The following PARPBP variants were observed in gnomAD, a reference collection of about 807,000 sequenced individuals.
PARPBP encodes the protein PARP1 binding protein.
A neutral mutation model predicts 50.0 loss-of-function variants in PARPBP; 52 were observed. That is an observed-to-expected ratio of 1.04 (90% confidence interval 0.83 to 1.31). The LOEUF (loss-of-function observed/expected upper bound fraction) is 1.31. Ranked by LOEUF, PARPBP falls within the 50% of genes most tolerant of loss-of-function variation. The pLI is 0.00. For missense variants in PARPBP, 697 were observed against 672.0 expected, an observed-to-expected ratio of 1.04 and a Z score of -0.41; for synonymous variants, 244 against 232.1, an observed-to-expected ratio of 1.05 and a Z score of -0.47.
At chr12:102,177,463 A>G (rs1228625500) in intron 7 of PARPBP, among the ~76,000 whole-genome samples, 1 of 152,144 alleles carries the variant, frequency 6.6e-6, no homozygotes, top group African/African-American at 2.4e-5. Context: ...ATGCCTTCAG[A>G]GTTTGTGCTT....
At chr12:102,171,928 A>G (rs1202101812) in intron 6 of PARPBP, among the ~76,000 whole-genome samples, 3 of 152,178 alleles carry the variant, frequency 2.0e-5, no homozygotes, top group Non-Finnish European at 4.4e-5. Context: ...CTTTAATTAC[A>G]TTTAATTTTT....
intron 2 of PARPBP, among the ~76,000 whole-genome samples, chr12:102,144,995 G>C (rs1053392128): frequency 9.2e-5 from 14 of 152,062 alleles, no homozygotes; most frequent in Admixed American, 3.3e-4. Context: ...ACAGGCCCCT[G>C]CACTAAGGAC....
chr12:102,194,373 A>G (rs959053142), intron 9 of PARPBP, among the ~76,000 whole-genome samples: 1 of 151,918 alleles, frequency 6.6e-6, no homozygotes, highest in Non-Finnish European at 1.5e-5. Flanking sequence ...ATGTCAGAAA[A>G]TGATTTCAGG....
chr12:102,146,241 A>G (rs1453445236), intron 2 of PARPBP, among the ~76,000 whole-genome samples: 1 of 152,186 alleles, frequency 6.6e-6, no homozygotes, highest in East Asian at 1.9e-4. Flanking sequence ...GGAACCAAAA[A>G]AGAACCCGCA....
At chr12:102,131,356 C>T (rs117465339) in intron 2 of PARPBP, among the ~76,000 whole-genome samples, 8,998 of 152,146 alleles carry the variant, frequency 0.059, 395 homozygotes, top group Non-Finnish European at 0.086. Flanking sequence ...ACTGGCAAGG[C>T]TGTGGAGAAG....
chr12:102,152,849 A>G (rs550566890), intron 3 of PARPBP, among the ~76,000 whole-genome samples: 55 of 149,710 alleles, frequency 3.7e-4, no homozygotes, highest in African/African-American at 1.2e-3. Context: ...ATTAAGCACA[A>G]TAAATATTTA....
At chr12:102,153,522 C>T (rs1353080802) in intron 3 of PARPBP, among the ~76,000 whole-genome samples, 1 of 152,114 alleles carries the variant, frequency 6.6e-6, no homozygotes, top group African/African-American at 2.4e-5. Context: ...TTGCATCTTT[C>T]GCAGAGACAG....
rs751609649 is a variant in PARPBP at position 102,148,455 on chromosome 12, G to A, written c.379G>A (p.Val127Ile). 8.1e-7 allele frequency: 1 copy of A among 1,228,216 alleles called. No homozygotes were observed. The allele number at this position is 1,228,216 out of a possible 1,614,324, so 76.1% of individuals were successfully genotyped here. A position where few individuals can be genotyped will look rare whatever the true frequency, so the allele number is the denominator to read the frequency against. ...LTSNCENYNT[V>I]SPSQLLDFLS... ...TTCTAATTGTGAAAATTATAACACAGTATCTCCTGTAAGTATTTTTTAAAC... is the reference window on the plus strand; with the variant it reads ...TTCTAATTGTGAAAATTATAACACAATATCTCCTGTAAGTATTTTTTAAAC... The change falls in exon 3 of 11, where the codon GTA becomes ATA. Residue 127 changes from valine to isoleucine, a missense_variant. By Grantham distance (29) the Val-to-Ile change is conservative. Coordinates refer to ENST00000327680, the MANE Select transcript of PARPBP (RefSeq NM_017915.5).
chr12:102,120,499 C>T (rs749288960), intron 1 of PARPBP: 75 of 456,452 alleles, frequency 1.6e-4, no homozygotes, highest in Non-Finnish European at 7.9e-5. Context: ...CTGGTAGGTC[C>T]TGAGGGTTCG....
intron 2 of PARPBP, among the ~76,000 whole-genome samples, chr12:102,145,521 TA>T (rs138362353): frequency 0.16 from 23,748 of 151,886 alleles, 1,961 homozygotes; most frequent in Non-Finnish European, 0.19. Context: ...ATGGAATCAA[TA>T]AAAAAAACCT....
Position 102,178,662 on chromosome 12 carries a change from T to A in PARPBP, c.1076T>A (p.Leu359His), listed in dbSNP as rs749884456. Residue 359 changes from leucine to histidine, a missense_variant, in exon 8 of 11, where the codon CTT (leucine) becomes CAT (histidine). Coordinates refer to ENST00000327680, the MANE Select transcript of PARPBP (RefSeq NM_017915.5). The stretch of plus-strand genomic sequence containing the variant: ...GATACTGTGAAAGCCTTATTAGTTC[T>A]TTTGGACGAAGAAGCAGCTAATGCT... ...GRDTVKALLV[L>H]LDEEAANAPT... is the part of the protein sequence containing the mutation. The A allele has an allele frequency of 6.2e-7, 1 of 1,613,534 alleles. No homozygotes were observed. The highest frequency in any genetic ancestry group is 1.7e-5 in the Admixed American group (1 of 59,956).
intron 4 of PARPBP, chr12:102,155,225 G>A: frequency 6.3e-6 from 1 of 157,706 alleles, no homozygotes; most frequent in Non-Finnish European, 1.4e-5. Flanking sequence ...GGAGGTTACA[G>A]TGAGCTGAGA....
Position 102,197,413 on chromosome 12 carries a change from T to C in PARPBP, c.*1122T>C. 2.9e-6 allele frequency: 3 copies of C among 1,036,134 alleles called. No individual in the cohort carries two copies. Among genetic ancestry groups the C allele is most frequent in the Non-Finnish European group, 4.2e-6 (3 of 710,166 alleles). The allele number at this position is 1,036,134 out of a possible 1,614,324, so 64.2% of individuals were successfully genotyped here. On this transcript the variant is annotated 3_prime_UTR_variant, in exon 11 of 11. Transcript: ENST00000327680. ...CAGTCGTCCTAATGCATATTGTGAC[T>C]GTTTGCATATACTTCTGTTTATAAA...
In PARPBP at chr12:102,164,059, CTATGT is replaced by C. The variant is rs527627055; in HGVS notation, c.496-377_496-373del. ...TATTTTATAACAACTCTGGATTCCT[CTATGT>C]TCTTCTGAGAAATATTGTGTTTTCG... On this transcript the variant is annotated intron_variant, in intron 4 of 10. Coordinates refer to ENST00000327680, the MANE Select transcript of PARPBP (RefSeq NM_017915.5). 1.4e-3 allele frequency among the ~76,000 whole-genome samples: 207 copies of C among 152,298 alleles called. 2 individuals are homozygous for C. The highest frequency in any genetic ancestry group is 4.8e-3 in the African/African-American group (201 of 41,566).
chr12:102,143,463 G>C (rs1214590761), intron 2 of PARPBP, among the ~76,000 whole-genome samples: 3 of 152,164 alleles, frequency 2.0e-5, no homozygotes, highest in Non-Finnish European at 4.4e-5. Context: ...CCCTGCTTCA[G>C]CTCATGCTCT....
intron 9 of PARPBP, among the ~76,000 whole-genome samples, chr12:102,193,212 A>AT (rs888604047): frequency 2.6e-5 from 4 of 151,912 alleles, no homozygotes; most frequent in Admixed American, 6.6e-5. Flanking sequence ...GCAAGCAAAG[A>AT]TTTTTTTACC....
In PARPBP at chr12:102,197,195, T is replaced by G. The variant is rs1183009443; in HGVS notation, c.*904T>G. 1.9e-6 allele frequency: 3 copies of G among 1,560,296 alleles called. No homozygotes were observed. Among genetic ancestry groups the G allele is most frequent in the Non-Finnish European group, 2.6e-6 (3 of 1,133,612 alleles). On this transcript the variant is annotated 3_prime_UTR_variant, in exon 11 of 11. Transcript: ENST00000327680. ...TTCTGTAAAGAGAAGGTTGATTTGG[T>G]TTTTAGCTATCGTATTCGGAGTGGA...
chr12:102,164,340 G>A (rs1370152882), intron 4 of PARPBP, 98 bp from the exon 5 acceptor site: 2 of 844,576 alleles, frequency 2.4e-6, no homozygotes, highest in Non-Finnish European at 3.7e-6. Flanking sequence ...GTGAGGTATT[G>A]TGATTGAATG....
intron 4 of PARPBP, among the ~76,000 whole-genome samples, chr12:102,156,104 C>A (rs1440045676): frequency 6.8e-6 from 1 of 146,334 alleles, no homozygotes; most frequent in Non-Finnish European, 1.5e-5. Flanking sequence ...CCGCCACCAT[C>A]TTGGGAGCTC....
Sources: gnomAD v4.1 joint callset for allele counts (sites outside exome capture counted in the v4.1 genomes callset) on GRCh38, gnomAD v4.1.1 for gene constraint, MANE v1.5 for transcripts, NCBI Gene and HGNC (gene_info 2026-07-23, HGNC 2026-07-21) for gene names.